LRRC27: variants seen among roughly 807,000 people sequenced by gnomAD.
LRRC27 encodes leucine rich repeat containing 27, also known as leucine-rich repeat-containing protein 27.
In LRRC27, 57 loss-of-function variants were observed where a neutral mutation model predicts 55.0. The observed-to-expected ratio is 1.04, with a 90% CI of 0.84 to 1.29. LRRC27 has a LOEUF of 1.29. Ranked by LOEUF, LRRC27 falls within the 50% of genes most tolerant of loss-of-function variation. The probability of loss-of-function intolerance (pLI) is 0.00; values close to 1 mark genes in which losing one functional copy is unlikely to be tolerated. For synonymous variants in LRRC27, 278 were observed against 251.9 expected, an observed-to-expected ratio of 1.10 and a Z score of -0.98; for missense variants, 721 against 651.5, an observed-to-expected ratio of 1.11 and a Z score of -1.16.
intron 8 of LRRC27, among the ~76,000 whole-genome samples, chr10:132,360,593 C>T (rs577677480): frequency 3.3e-5 from 5 of 152,086 alleles, no homozygotes; most frequent in Admixed American, 6.6e-5. Flanking sequence ...CCCATCTTTC[C>T]GCCCTTTCTG....
chr10:132,330,391 G>A, upstream of LRRC27: 1 of 714,242 alleles, frequency 1.4e-6, no homozygotes, highest in South Asian at 1.5e-5. Flanking sequence ...GCCACTCACG[G>A]CAACACCCAT....
intron 9 of LRRC27, among the ~76,000 whole-genome samples, chr10:132,363,211 C>G (rs1335419037): frequency 7.3e-6 from 1 of 136,182 alleles, no homozygotes; most frequent in Non-Finnish European, 1.6e-5. Context: ...CCGGGGTTCA[C>G]CCCTCTTACC....
intron 9 of LRRC27, among the ~76,000 whole-genome samples, chr10:132,363,770 G>A (rs558870031): frequency 5.9e-5 from 9 of 152,184 alleles, no homozygotes; most frequent in Non-Finnish European, 8.8e-5. Flanking sequence ...TCAGTTTAAC[G>A]TACCCTGGAT....
intron 9 of LRRC27, among the ~76,000 whole-genome samples, chr10:132,363,712 T>C (rs970998372): frequency 1.3e-5 from 2 of 151,938 alleles, no homozygotes; most frequent in Non-Finnish European, 2.9e-5. Flanking sequence ...GCCCAGGGCC[T>C]GGCCCCGGCC....
chr10:132,343,068 G>C (rs1296387138), intron 4 of LRRC27, among the ~76,000 whole-genome samples: 1 of 152,104 alleles, frequency 6.6e-6, no homozygotes, highest in African/African-American at 2.4e-5. Flanking sequence ...AGCACCTTGG[G>C]GCGCCAAGGC....
intron 9 of LRRC27, among the ~76,000 whole-genome samples, chr10:132,364,975 C>T (rs1179843407): frequency 6.6e-6 from 1 of 152,222 alleles, no homozygotes; most frequent in East Asian, 1.9e-4. Flanking sequence ...ACCCCTGAGC[C>T]CCAGTGCTAA....
At chr10:132,356,985 G>A (rs1294663979) in intron 8 of LRRC27, among the ~76,000 whole-genome samples, 2 of 152,286 alleles carry the variant, frequency 1.3e-5, no homozygotes, top group African/African-American at 4.8e-5. Flanking sequence ...TCACCCTACA[G>A]CAGAGAGCGT....
intron 3 of LRRC27, among the ~76,000 whole-genome samples, chr10:132,339,816 C>T (rs1003310353): frequency 2.0e-5 from 3 of 152,220 alleles, no homozygotes; most frequent in African/African-American, 4.8e-5. Flanking sequence ...CATAACTACT[C>T]GTGTTTTCCC....
chr10:132,358,211 G>A (rs1001261905), intron 8 of LRRC27, among the ~76,000 whole-genome samples: 2 of 152,244 alleles, frequency 1.3e-5, no homozygotes, highest in African/African-American at 4.8e-5. Flanking sequence ...CCAAGCCACC[G>A]TAAATACATG....
chr10:132,362,939 T>C (rs1243271727), intron 9 of LRRC27, among the ~76,000 whole-genome samples: 2 of 106,834 alleles, frequency 1.9e-5, no homozygotes, highest in Non-Finnish European at 3.9e-5. Flanking sequence ...GGTTCACCCT[T>C]CTCACCTCAC....
chr10:132,360,617 T>C (rs543534773), intron 8 of LRRC27, among the ~76,000 whole-genome samples: 2 of 152,140 alleles, frequency 1.3e-5, no homozygotes, highest in East Asian at 3.9e-4. Flanking sequence ...GCCGAACACT[T>C]TCTAAGTGTC....
rs2069387374 is a variant in LRRC27, at chr10:132,379,749, GT to G, written c.*4512del. ...ATAATATATTACATTTTTCTAATAA[GT>G]TTTTAGTGAGTGTCCAGCATTGTAT... is the stretch of plus-strand genomic sequence containing the variant. On this transcript the variant is annotated 3_prime_UTR_variant, in exon 11 of 11. Coordinates refer to ENST00000368614, the MANE Select transcript of LRRC27 (RefSeq NM_030626.3). 1 of 151,594 alleles carries G rather than the reference GT, an allele frequency of 6.6e-6. No individual in the cohort carries two copies. Among genetic ancestry groups the G allele is most frequent in the Non-Finnish European group, 1.5e-5 (1 of 67,976 alleles). 9.4% of individuals were successfully genotyped at this position (151,594 alleles called of 1,614,324 possible).
Position 132,348,936 on chromosome 10 carries a change from G to T in LRRC27, c.926+580G>T. 1 of 1,544,290 alleles carries T rather than the reference G, an allele frequency of 6.5e-7. No individual in the cohort carries two copies. The highest frequency in any genetic ancestry group is 1.2e-5 in the South Asian group (1 of 85,144). ...CTTTGGTACAGTGAGTTTGGGGGCCGAGATTTTATTTTCCTTTCACACCCA... is the reference window on the plus strand; with the variant it reads ...CTTTGGTACAGTGAGTTTGGGGGCCTAGATTTTATTTTCCTTTCACACCCA... On this transcript the variant is annotated intron_variant, in intron 6 of 10. Transcript: ENST00000368614. The surrounding 1 kb of genome is among the most constrained non-coding windows in gnomAD (Gnocchi z 4.2).
At chr10:132,364,814 C>A (rs556851464) in intron 9 of LRRC27, among the ~76,000 whole-genome samples, 7 of 120,576 alleles carry the variant, frequency 5.8e-5, no homozygotes, top group African/African-American at 2.4e-4. Flanking sequence ...ACACTTACAC[C>A]CACCCTTACA....
chr10:132,351,457 TG>T, intron 6 of LRRC27, 149 bp from the exon 7 acceptor site: 1 of 852,972 alleles, frequency 1.2e-6, no homozygotes, highest in Non-Finnish European at 1.9e-6. Flanking sequence ...CAGTCAAGAC[TG>T]GACTCTGGGG....
chr10:132,331,800 T>C (rs774886587), upstream of LRRC27: 16 of 1,598,222 alleles, frequency 1.0e-5, no homozygotes, highest in East Asian at 2.2e-4. Context: ...CGGTCTCTAC[T>C]TGCCCGTCGA....
rs780583099 is a variant in LRRC27 at position 132,348,974 on chromosome 10, C to T, written c.926+618C>T. On this transcript the variant is annotated intron_variant, in intron 6 of 10. Transcript: ENST00000368614. The surrounding 1 kb of genome is among the most constrained non-coding windows in gnomAD (Gnocchi z 4.2). Reference sequence around the variant, plus strand: ...CCTTTCACACCCAGGACAAGGGTCCCTAGGAAACAGGCTCTGCAGAGACTA... The same window carrying T: ...CCTTTCACACCCAGGACAAGGGTCCTTAGGAAACAGGCTCTGCAGAGACTA... 10 of 1,607,538 alleles carry T rather than the reference C, an allele frequency of 6.2e-6. No individual in the cohort carries two copies. Among genetic ancestry groups the T allele is most frequent in the Non-Finnish European group, 7.6e-6 (9 of 1,176,812 alleles).
At chr10:132,351,544 T>C (rs1203395719) in intron 6 of LRRC27, 63 bp from the exon 7 acceptor site, 1 of 1,557,688 alleles carries the variant, frequency 6.4e-7, no homozygotes, top group African/African-American at 1.4e-5. Context: ...ATTTCACATG[T>C]TGTATGAATT....
chr10:132,344,832 C>G (rs2067597767), intron 5 of LRRC27, 182 bp downstream of exon 5: 2 of 552,998 alleles, frequency 3.6e-6, no homozygotes, highest in Admixed American at 3.2e-5. Context: ...GTGACTTTTC[C>G]TTGGTTCTAT....
Sources: gnomAD v4.1 joint callset for allele counts (sites outside exome capture counted in the v4.1 genomes callset) on GRCh38, gnomAD v4.1.1 for gene constraint, Gnocchi (gnomAD v3.1) non-coding constraint, MANE v1.5 for transcripts, NCBI Gene and HGNC (gene_info 2026-07-23, HGNC 2026-07-21) for gene names.